The following CARS2 variants were observed in gnomAD, a reference collection of about 807,000 sequenced individuals.
CARS2 encodes the protein probable cysteine--tRNA ligase, mitochondrial.
Under a neutral mutation model 68.8 loss-of-function variants are expected in CARS2, and 52 were observed. The observed-to-expected ratio is 0.76, with a 90% CI of 0.61 to 0.95. CARS2 has a LOEUF of 0.95. Among genes scored for constraint, CARS2 ranks in the 40% least tolerant of loss-of-function variants. CARS2 has a pLI of 0.00. For synonymous variants in CARS2, 314 were observed against 303.6 expected, an observed-to-expected ratio of 1.03 and a Z score of -0.36; for missense variants, 780 against 754.2, an observed-to-expected ratio of 1.03 and a Z score of -0.40.
At chr13:110,706,226 C>G (rs1037235285), upstream of CARS2, 1 of 577,496 alleles carries the variant, frequency 1.7e-6, no homozygotes, top group Non-Finnish European at 2.5e-6. Context: ...GGAAGCAGTC[C>G]TCAGGTAGCG....
intron 7 of CARS2, among the ~76,000 whole-genome samples, chr13:110,673,762 A>G (rs9521891): frequency 0.77 from 116,963 of 150,960 alleles, 45,996 homozygotes; most frequent in Middle Eastern, 0.85. Context: ...TAGGAAAAGA[A>G]GAAGTCAAAT....
chr13:110,647,484 G>C (rs1336962845), intron 10 of CARS2, among the ~76,000 whole-genome samples: 1 of 151,858 alleles, frequency 6.6e-6, no homozygotes, highest in African/African-American at 2.4e-5. Flanking sequence ...CATGCTCCCA[G>C]TGCTTCCAGC....
chr13:110,666,244 G>A (rs1033405819), intron 8 of CARS2: 8 of 985,268 alleles, frequency 8.1e-6, no homozygotes, highest in Non-Finnish European at 9.6e-6. Context: ...CAGCTGAAAC[G>A]GAAGTGAGGG....
intron 9 of CARS2, among the ~76,000 whole-genome samples, chr13:110,656,231 AG>A (rs1468015372): frequency 6.6e-5 from 10 of 152,194 alleles, no homozygotes; most frequent in Admixed American, 6.5e-4. Context: ...TGAACCTGGG[AG>A]GCAGAGGTTG....
chr13:110,644,680 C>G (rs1566638287), intron 12 of CARS2, 197 bp from the exon 13 acceptor site: 3 of 897,988 alleles, frequency 3.3e-6, no homozygotes, highest in South Asian at 3.8e-5. Flanking sequence ...CATGAGGAAT[C>G]TCTTGTGCCT....
chr13:110,699,320 G>A (rs2063716594), intron 3 of CARS2, among the ~76,000 whole-genome samples: 1 of 152,226 alleles, frequency 6.6e-6, no homozygotes, highest in Non-Finnish European at 1.5e-5. Context: ...ACAATCCACA[G>A]GTGGTCTCCA....
intron 9 of CARS2, among the ~76,000 whole-genome samples, chr13:110,652,224 C>A (rs2139704660): frequency 6.6e-6 from 1 of 152,386 alleles, no homozygotes; most frequent in South Asian, 2.1e-4. Context: ...AGCACAGGGG[C>A]TGACACCAAC....
chr13:110,652,609 G>A (rs1216172700), intron 9 of CARS2, among the ~76,000 whole-genome samples: 3 of 152,162 alleles, frequency 2.0e-5, no homozygotes, highest in Non-Finnish European at 4.4e-5. Context: ...GAGCAGGTCT[G>A]GTCTGTCTTC....
chr13:110,687,670 C>G (rs1210239053), intron 5 of CARS2, 51 bp downstream of exon 5: 2 of 1,199,390 alleles, frequency 1.7e-6, no homozygotes, highest in Non-Finnish European at 2.3e-6. Flanking sequence ...CAGAGTAAAA[C>G]TCTGTCTCAA....
chr13:110,681,345 G>C (rs147345167), intron 6 of CARS2, among the ~76,000 whole-genome samples: 5 of 152,248 alleles, frequency 3.3e-5, no homozygotes. Context: ...TGTAAAAATG[G>C]TGGTTTTATT....
intron 6 of CARS2, 28 bp from the exon 7 acceptor site, chr13:110,677,131 G>T: frequency 1.3e-6 from 2 of 1,578,520 alleles, no homozygotes; most frequent in Non-Finnish European, 1.7e-6. Context: ...TACATCAGTG[G>T]GAAGAAGCTC....
Position 110,687,756 on chromosome 13 carries a change from ATTCCTTCAAT to A in CARS2, c.526_535del (p.Ile176SerfsTer19), listed in dbSNP as rs764848441. The A allele has an allele frequency of 6.2e-7, 1 of 1,613,052 alleles. No individual in the cohort carries two copies. Among genetic ancestry groups the A allele is most frequent in the South Asian group, 1.1e-5 (1 of 91,022 alleles). On this transcript the variant is annotated frameshift_variant, in exon 5 of 15. Transcript: ENST00000257347. LOFTEE classifies it high-confidence loss of function. ...TGAATAAGCGTTCCCACGAGCAATG[ATTCCTTCAAT>A]GAAAGAAATTATCTGAGGAATATTT...
In CARS2 at chr13:110,705,734, C is replaced by T; in HGVS notation, c.224+136G>A. On this transcript the variant is annotated intron_variant, in intron 1 of 14. Coordinates refer to ENST00000257347, the MANE Select transcript of CARS2 (RefSeq NM_024537.4). This position sits in a 1 kb window ranked among gnomAD's most constrained non-coding sequence, Gnocchi z 4.0. ...TTCACACCCAAACCTGCAAAAGCACCGCGCACCCCCAGCTTCTAGAACGGC... is the reference window on the plus strand; with the variant it reads ...TTCACACCCAAACCTGCAAAAGCACTGCGCACCCCCAGCTTCTAGAACGGC... 1 of 1,535,330 alleles carries T rather than the reference C, an allele frequency of 6.5e-7. No homozygotes were observed. The highest frequency in any genetic ancestry group is 8.8e-7 in the Non-Finnish European group (1 of 1,141,930).
At chr13:110,702,970 G>A (rs1004325275) in intron 2 of CARS2, among the ~76,000 whole-genome samples, 2 of 151,982 alleles carry the variant, frequency 1.3e-5, no homozygotes, top group African/African-American at 2.4e-5. Context: ...CCCTCAAAAC[G>A]CTCCAGTGTG....
chr13:110,652,812 G>A (rs1452696023), intron 9 of CARS2, among the ~76,000 whole-genome samples: 2 of 152,208 alleles, frequency 1.3e-5, no homozygotes, highest in Non-Finnish European at 2.9e-5. Context: ...AGGGCGGGGA[G>A]ATCTGTGAAC....
chr13:110,656,023 G>C (rs1184318271), intron 9 of CARS2, among the ~76,000 whole-genome samples: 2 of 152,154 alleles, frequency 1.3e-5, no homozygotes, highest in Non-Finnish European at 2.9e-5. Context: ...AAGTAAATTG[G>C]GACTGGATGC....
intron 2 of CARS2, among the ~76,000 whole-genome samples, chr13:110,704,314 G>C (rs2063876324): frequency 6.6e-6 from 1 of 152,162 alleles, no homozygotes; most frequent in Admixed American, 6.5e-5. Flanking sequence ...CAGGGTGGGG[G>C]TTTTGTTTTT....
chr13:110,677,407 C>G (rs1370264148), intron 6 of CARS2, among the ~76,000 whole-genome samples: 1 of 150,494 alleles, frequency 6.6e-6, no homozygotes, highest in Non-Finnish European at 1.5e-5. Flanking sequence ...GACAGTCACC[C>G]TTACCACGGA....
intron 14 of CARS2, 78 bp downstream of exon 14, chr13:110,642,234 GTCT>G: frequency 9.2e-7 from 1 of 1,088,648 alleles, no homozygotes; most frequent in Non-Finnish European, 1.4e-6. Flanking sequence ...CACGGGGGAT[GTCT>G]GGGCCTCTGA....
Sources: allele counts gnomAD v4.1 joint callset (sites outside exome capture counted in the v4.1 genomes callset), GRCh38; gene constraint gnomAD v4.1.1; non-coding constraint Gnocchi (gnomAD v3.1); transcripts MANE v1.5; gene names NCBI Gene and HGNC (gene_info 2026-07-23, HGNC 2026-07-21).